Variants in TDRD9 observed in about 807,000 individuals in gnomAD.
The protein encoded by TDRD9 is ATP-dependent RNA helicase TDRD9.
In TDRD9, 124 loss-of-function variants were observed where a neutral mutation model predicts 172.6. The ratio of observed to expected loss-of-function variants is 0.72; its 90% CI spans 0.62 to 0.83. The LOEUF (loss-of-function observed/expected upper bound fraction) is 0.83, where lower values mean the gene tolerates loss of function less well. Ranked by LOEUF, TDRD9 falls within the 40% of genes least tolerant of loss-of-function variation. The pLI is 0.00. For missense variants in TDRD9, 1,479 were observed against 1,714.1 expected (o/e 0.86, Z 2.42); for synonymous variants, 619 against 617.1 (o/e 1.00, Z -0.05).
At chr14:104,046,215 A>C (rs992416856) in intron 34 of TDRD9, among the ~76,000 whole-genome samples, 3 of 152,182 alleles carry the variant, frequency 2.0e-5, no homozygotes, top group East Asian at 3.9e-4. Context: ...TCAGCCTCTC[A>C]AAGTGCTGGG....
At chr14:103,949,385 C>T (rs1045543870) in intron 1 of TDRD9, among the ~76,000 whole-genome samples, 2 of 152,128 alleles carry the variant, frequency 1.3e-5, no homozygotes, top group African/African-American at 4.8e-5. Flanking sequence ...ATTCATTTTG[C>T]TAGTAGAAGA....
intron 27 of TDRD9, 41 bp from the exon 28 acceptor site, chr14:104,026,638 A>G (rs1426173968): frequency 6.3e-7 from 1 of 1,598,770 alleles, no homozygotes; most frequent in East Asian, 2.2e-5. Flanking sequence ...TGTTTTGCTT[A>G]TTTATAAAGC....
At chr14:103,986,844 G>A (rs371244856) in intron 8 of TDRD9, among the ~76,000 whole-genome samples, 1 of 152,206 alleles carries the variant, frequency 6.6e-6, no homozygotes, top group African/African-American at 2.4e-5. Context: ...GGCTGGGCGC[G>A]GTGGCTCATG....
In TDRD9 at chr14:104,024,413, A is replaced by G. The variant is rs115025417; in HGVS notation, c.2607-156A>G. On this transcript the variant is annotated intron_variant, in intron 24 of 35. Transcript: ENST00000409874. ...AAGCCAGCAGAAATTCATGTTTGAG[A>G]TGAAATCAAATTTGTCATCTCTGGC... 4.6e-3 allele frequency among the ~76,000 whole-genome samples: 695 copies of G among 152,292 alleles called. 6 individuals are homozygous for G. The highest frequency in any genetic ancestry group is 0.016 in the African/African-American group (665 of 41,562).
intron 1 of TDRD9, among the ~76,000 whole-genome samples, chr14:103,952,500 C>G (rs1230749804): frequency 6.6e-6 from 1 of 150,506 alleles, no homozygotes; most frequent in African/African-American, 2.4e-5. Flanking sequence ...CTCGGCCTCC[C>G]AAAGTGCTGG....
intron 8 of TDRD9, among the ~76,000 whole-genome samples, chr14:103,987,118 A>C (rs1201740929): frequency 1.0e-4 from 5 of 50,186 alleles, no homozygotes; most frequent in Non-Finnish European, 2.0e-4. Context: ...ATCTCAAAAA[A>C]TATATACACA....
intron 7 of TDRD9, among the ~76,000 whole-genome samples, chr14:103,983,463 C>T (rs2033558344): frequency 6.6e-6 from 1 of 152,146 alleles, no homozygotes; most frequent in Non-Finnish European, 1.5e-5. Flanking sequence ...CTTCTCTGAT[C>T]ACCTGAAGAC....
chr14:103,954,843 G>T lies in TDRD9; in HGVS notation c.216-821G>T, dbSNP rs572014044. On this transcript the variant is annotated intron_variant, in intron 1 of 35. Transcript: ENST00000409874. ...AGGGTTTCACCATGTTGGCCAGGCT[G>T]GTCTTGAACTCCTGACCTCAAGTGA... Among the ~76,000 whole-genome samples the T allele has an allele frequency of 5.3e-5, 8 of 152,262 alleles. No homozygotes were observed. In the East Asian group the frequency reaches 1.5e-3, roughly 29 times the overall value.
At chr14:104,037,951 G>A (rs539341659) in intron 32 of TDRD9, among the ~76,000 whole-genome samples, 2 of 152,322 alleles carry the variant, frequency 1.3e-5, no homozygotes, top group African/African-American at 2.4e-5. Context: ...TGTGGAGCCC[G>A]CCTCCCTGGG....
chr14:104,039,888 A>G (rs1164168924), intron 32 of TDRD9, among the ~76,000 whole-genome samples: 2 of 152,170 alleles, frequency 1.3e-5, no homozygotes. Flanking sequence ...ATTCGAAGGC[A>G]AGGGAAAAAA....
At chr14:103,973,495 C>T (rs2033120277) in intron 6 of TDRD9, among the ~76,000 whole-genome samples, 2 of 152,186 alleles carry the variant, frequency 1.3e-5, no homozygotes, top group African/African-American at 4.8e-5. Flanking sequence ...AGCTCAGGCC[C>T]ACTCCAGACA....
At chr14:104,027,686 T>G (rs1312258959) in intron 28 of TDRD9, among the ~76,000 whole-genome samples, 1 of 152,216 alleles carries the variant, frequency 6.6e-6, no homozygotes, top group African/African-American at 2.4e-5. Flanking sequence ...CCTCAGACAT[T>G]TATTATTTCT....
chr14:103,929,005 C>G (rs910253029), intron 1 of TDRD9: 1 of 169,908 alleles, frequency 5.9e-6, no homozygotes, highest in Non-Finnish European at 1.2e-5. Context: ...GATAACGGAG[C>G]GGAGGGCAGA....
chr14:103,998,553 A>G, intron 12 of TDRD9, 71 bp from the exon 13 acceptor site: 1 of 869,222 alleles, frequency 1.2e-6, no homozygotes, highest in Non-Finnish European at 1.9e-6. Flanking sequence ...CTTTATCACT[A>G]TGCATTGTGA....
intron 34 of TDRD9, among the ~76,000 whole-genome samples, chr14:104,048,085 G>C (rs1406969021): frequency 6.6e-6 from 1 of 152,110 alleles, no homozygotes; most frequent in African/African-American, 2.4e-5. Flanking sequence ...GGGTACTTTA[G>C]ATAATGTACT....
intron 5 of TDRD9, 73 bp from the exon 6 acceptor site, chr14:103,970,468 G>C (rs546489850): frequency 1.5e-4 from 164 of 1,074,622 alleles, no homozygotes; most frequent in Non-Finnish European, 2.1e-4. Context: ...TCCCCCAGTG[G>C]TGCCTTTCTG....
intron 31 of TDRD9, among the ~76,000 whole-genome samples, chr14:104,034,400 C>T (rs2035386478): frequency 6.6e-6 from 1 of 152,028 alleles, no homozygotes; most frequent in Non-Finnish European, 1.5e-5. Context: ...CTGTGTTAGC[C>T]AGGATAGTCT....
rs1218189244 is a variant in TDRD9, at chr14:103,940,715, CAA to C, written c.215+11993_215+11994del. 6.9e-6 allele frequency: 6 copies of C among 867,530 alleles called. No homozygotes were observed. The African/African-American group carries it at 1.0e-4, about 15-fold the overall frequency. 53.7% of individuals were successfully genotyped at this position (867,530 alleles called of 1,614,324 possible). A position where few individuals can be genotyped will look rare whatever the true frequency, so the allele number is the denominator to read the frequency against. On this transcript the variant is annotated intron_variant, in intron 1 of 35. Coordinates refer to ENST00000409874, the MANE Select transcript of TDRD9 (RefSeq NM_153046.3). ...CATCCACAGGATACTGACCTTGTAA[CAA>C]AGAAAAACTTGAAGTCACATCACTT...
chr14:103,940,290 C>T (rs1187448), intron 1 of TDRD9: 39,151 of 152,290 alleles, frequency 0.26, 5,366 homozygotes, highest in South Asian at 0.44. Flanking sequence ...CAAAGCTGAG[C>T]GTTGGGTTAA....
Sources: allele counts gnomAD v4.1 joint callset (sites outside exome capture counted in the v4.1 genomes callset), GRCh38; gene constraint gnomAD v4.1.1; transcripts MANE v1.5; gene names NCBI Gene and HGNC (gene_info 2026-07-23, HGNC 2026-07-21).